APPL2: variants seen among roughly 807,000 people sequenced by gnomAD.
APPL2 encodes the protein DCC-interacting protein 13-beta.
APPL2 carries 84 observed loss-of-function variants against 92.7 expected under a neutral mutation model. That is an observed-to-expected ratio of 0.91 (90% CI 0.76 to 1.09). APPL2 has a LOEUF of 1.09. APPL2 is among the 50% of genes least tolerant of loss of function. The pLI is 0.00. For missense variants in APPL2, 736 were observed against 824.5 expected (o/e 0.89, Z 1.31); for synonymous variants, 291 against 291.0 (o/e 1.00, Z 0.00).
chr12:105,223,046 T>C (rs544843378), intron 2 of APPL2, among the ~76,000 whole-genome samples: 1 of 152,352 alleles, frequency 6.6e-6, no homozygotes, highest in East Asian at 1.9e-4. Flanking sequence ...CAGGCTGAGA[T>C]GCAGCTCATG....
chr12:105,200,831 CGTATGTAT>C (rs67064501), intron 9 of APPL2, among the ~76,000 whole-genome samples: 14,335 of 143,966 alleles, frequency 0.1, 838 homozygotes, highest in African/African-American at 0.17. Context: ...CCACTCTCTA[CGTATGTAT>C]GTATGTATGT....
intron 2 of APPL2, among the ~76,000 whole-genome samples, chr12:105,222,385 C>G (rs543486630): frequency 6.6e-6 from 1 of 152,234 alleles, no homozygotes; most frequent in East Asian, 1.9e-4. Context: ...AAACAAGTGT[C>G]TGAGCCTGAG....
intron 10 of APPL2, 57 bp from the exon 11 acceptor site, chr12:105,198,010 C>T (rs974298631): frequency 1.0e-5 from 16 of 1,553,682 alleles, no homozygotes; most frequent in Non-Finnish European, 1.1e-5. Context: ...CGGCCACCTC[C>T]AAGTCTTGCT....
chr12:105,174,768 C>T (rs1417885437), intron 20 of APPL2, among the ~76,000 whole-genome samples: 1 of 151,904 alleles, frequency 6.6e-6, no homozygotes, highest in African/African-American at 2.4e-5. Flanking sequence ...TTAATCTATA[C>T]CAGAAGTTGG....
At chr12:105,194,628 T>G (rs977876192) in intron 14 of APPL2, among the ~76,000 whole-genome samples, 1 of 152,030 alleles carries the variant, frequency 6.6e-6, no homozygotes, top group African/African-American at 2.4e-5. Context: ...GAAGTGGCGG[T>G]TGCAGTGAGC....
chr12:105,198,073 G>A (rs903821810), intron 10 of APPL2, 120 bp from the exon 11 acceptor site: 11 of 997,536 alleles, frequency 1.1e-5, no homozygotes, highest in Admixed American at 5.7e-5. Flanking sequence ...TCTTTATATC[G>A]TTAAAGCAAA....
At chr12:105,209,003 CT>C (rs1888993902) in intron 5 of APPL2, among the ~76,000 whole-genome samples, 1 of 152,212 alleles carries the variant, frequency 6.6e-6, no homozygotes, top group African/African-American at 2.4e-5. Flanking sequence ...TTTAAATGCT[CT>C]TCGCGTTATT....
intron 2 of APPL2, among the ~76,000 whole-genome samples, chr12:105,220,237 T>C (rs1323019943): frequency 6.6e-6 from 1 of 152,170 alleles, no homozygotes; most frequent in Non-Finnish European, 1.5e-5. Context: ...TACACTAGGG[T>C]GGGCAAACTT....
Position 105,173,300 on chromosome 12 carries a change from G to C in APPL2, c.*1014C>G, listed in dbSNP as rs1885158012. 6.6e-6 allele frequency: 1 copy of C among 152,060 alleles called. No individual in the cohort carries two copies. The allele number at this position is 152,060 out of a possible 1,614,324, so 9.4% of individuals were successfully genotyped here. A position where few individuals can be genotyped will look rare whatever the true frequency, so the allele number is the denominator to read the frequency against. On this transcript the variant is annotated 3_prime_UTR_variant, in exon 21 of 21. Transcript: ENST00000258530. ...TAGAAAATAACCACATCTAACGAAAGAAACAGAATATTTTTTATTGCTAGG... is the reference window on the plus strand; with the variant it reads ...TAGAAAATAACCACATCTAACGAAACAAACAGAATATTTTTTATTGCTAGG...
rs139951162 is a variant in APPL2, at chr12:105,189,758, A to G, written c.1459+14T>C. On this transcript the variant is annotated intron_variant, in intron 16 of 20. Coordinates refer to ENST00000258530, the MANE Select transcript of APPL2 (RefSeq NM_018171.5). ...TGCAGAGGAAAGAATAAGGACACCAAACTAGTCACTTACCTTCTGCTTCTG... is the reference window on the plus strand; with the variant it reads ...TGCAGAGGAAAGAATAAGGACACCAGACTAGTCACTTACCTTCTGCTTCTG... The G allele has an allele frequency of 2.8e-4, 453 of 1,613,904 alleles. 1 individual carries two copies. The African/African-American group carries it at 5.5e-3, about 19-fold the overall frequency.
intron 4 of APPL2, 54 bp downstream of exon 4, chr12:105,217,015 C>T (rs1018999762): frequency 1.9e-5 from 25 of 1,349,750 alleles, no homozygotes; most frequent in Non-Finnish European, 2.6e-5. Context: ...AAAATAACAA[C>T]AAAAGAAAGT....
chr12:105,186,522 C>G lies in APPL2; in HGVS notation c.1634+1751G>C, dbSNP rs59922125. On this transcript the variant is annotated intron_variant, in intron 17 of 20. Transcript: ENST00000258530. The stretch of plus-strand genomic sequence containing the variant: ...CCAGGAGCCCGCCAAACTATTTTTT[C>G]ACAGCAGCTGAACCATTTTATATTC... Among the ~76,000 whole-genome samples the G allele has an allele frequency of 8.0e-3, 1,208 of 151,672 alleles. 21 individuals carry two copies. The highest frequency in any genetic ancestry group is 0.027 in the African/African-American group (1,113 of 41,382).
At chr12:105,186,146 A>G (rs1886587684) in intron 17 of APPL2, among the ~76,000 whole-genome samples, 2 of 152,138 alleles carry the variant, frequency 1.3e-5, no homozygotes, top group Non-Finnish European at 2.9e-5. Context: ...TCCATCATAT[A>G]TATATACAGG....
At position 105,201,719 on chromosome 12, in the gene APPL2, T is replaced by TAC. The variant is rs1172034734; in HGVS notation, c.704+1983_704+1984insGT. Among the ~76,000 whole-genome samples, 18 of 152,132 alleles carry TAC rather than the reference T, an allele frequency of 1.2e-4. No individual in the cohort carries two copies. The South Asian group carries it at 1.2e-3, about 11-fold the overall frequency. Reference sequence around the variant, plus strand: ...AACAACAAAAAAAAGCATGTATATATATACACACACACATATATATAAAAT... The same window carrying TAC: ...AACAACAAAAAAAAGCATGTATATATACATACACACACACATATATATAAAAT... On this transcript the variant is annotated intron_variant, in intron 9 of 20. Coordinates refer to ENST00000258530, the MANE Select transcript of APPL2 (RefSeq NM_018171.5).
Position 105,207,052 on chromosome 12 carries a change from C to T in APPL2, c.621+9G>A, listed in dbSNP as rs1888763676. ...TTAGGTTTCAGCCCTCAGGGAGGGA[C>T]TCCCCTACCTGTCCATGGGCAAAGC... On this transcript the variant is annotated intron_variant, in intron 8 of 20. Transcript: ENST00000258530. The T allele has an allele frequency of 2.5e-6, 4 of 1,610,748 alleles. No homozygotes were observed. In the South Asian group the frequency reaches 4.4e-5, roughly 18 times the overall value.
intron 8 of APPL2, among the ~76,000 whole-genome samples, chr12:105,205,569 G>A (rs982801418): frequency 1.3e-5 from 2 of 152,146 alleles, no homozygotes; most frequent in East Asian, 3.9e-4. Flanking sequence ...GGCCTTGCAG[G>A]ACACCCTCTT....
chr12:105,201,990 G>A (rs530887381), intron 9 of APPL2, among the ~76,000 whole-genome samples: 64 of 152,306 alleles, frequency 4.2e-4, no homozygotes, highest in Non-Finnish European at 8.5e-4. Flanking sequence ...CTCCCTGGGT[G>A]GGCTGGCTGC....
chr12:105,203,672 C>T, intron 9 of APPL2, 31 bp downstream of exon 9: 1 of 1,605,120 alleles, frequency 6.2e-7, no homozygotes, highest in Non-Finnish European at 8.5e-7. Context: ...AGGCAAGGGG[C>T]ACACAAGACC....
intron 2 of APPL2, among the ~76,000 whole-genome samples, chr12:105,227,447 C>T (rs548675776): frequency 6.6e-6 from 1 of 152,318 alleles, no homozygotes; most frequent in South Asian, 2.1e-4. Context: ...GAGAGAATTA[C>T]AGTTGGGCAT....
Sources: allele counts gnomAD v4.1 joint callset (sites outside exome capture counted in the v4.1 genomes callset), GRCh38; gene constraint gnomAD v4.1.1; transcripts MANE v1.5; gene names NCBI Gene and HGNC (gene_info 2026-07-23, HGNC 2026-07-21).